The following CDC123 variants were observed in gnomAD, a reference collection of about 807,000 sequenced individuals.
The protein encoded by CDC123 is cell division cycle 123.
CDC123 carries 37 observed loss-of-function variants against 54.4 expected under a neutral mutation model. That is an observed-to-expected ratio of 0.68 (90% CI 0.52 to 0.89). The LOEUF is 0.89. Ranked by LOEUF, CDC123 falls within the 40% of genes least tolerant of loss-of-function variation. The pLI, the probability that CDC123 is intolerant of heterozygous loss-of-function variation, is 0.00. For missense variants in CDC123, 361 were observed against 412.1 expected, an observed-to-expected ratio of 0.88 and a Z score of 1.07; for synonymous variants, 144 against 136.8, an observed-to-expected ratio of 1.05 and a Z score of -0.37.
In CDC123 at chr10:12,249,539, A is replaced by G. The variant is rs565741246; in HGVS notation, c.847-42A>G. 4.7e-5 allele frequency: 73 copies of G among 1,555,820 alleles called. 1 individual carries two copies. The South Asian group carries it at 9.5e-4, about 20-fold the overall frequency. On this transcript the variant is annotated intron_variant, in intron 11 of 12. Coordinates refer to ENST00000281141, the MANE Select transcript of CDC123 (RefSeq NM_006023.3). ...TTTAGTTCACAGAATAGGCCTAAAA[A>G]TAAATGATTGATATTCTTTCTCCTT...
At chr10:12,216,406 T>C (rs1835665297) in intron 5 of CDC123, among the ~76,000 whole-genome samples, 1 of 152,240 alleles carries the variant, frequency 6.6e-6, no homozygotes, top group Non-Finnish European at 1.5e-5. Context: ...ATCTCATGCC[T>C]TTTTTATTCT....
intron 6 of CDC123, among the ~76,000 whole-genome samples, chr10:12,225,037 C>T (rs1416114786): frequency 1.3e-5 from 2 of 152,124 alleles, no homozygotes; most frequent in Non-Finnish European, 2.9e-5. Flanking sequence ...ACAGGCATAT[C>T]CTGGCGCTTT....
At chr10:12,214,238 T>G (rs1588673140) in intron 4 of CDC123, among the ~76,000 whole-genome samples, 1 of 152,204 alleles carries the variant, frequency 6.6e-6, no homozygotes, top group East Asian at 1.9e-4. Context: ...TTGAATTCTT[T>G]CCCGTTGTAA....
intron 10 of CDC123, chr10:12,245,160 C>G (rs529674337): frequency 3.3e-5 from 5 of 152,454 alleles, no homozygotes; most frequent in Admixed American, 1.3e-4. Context: ...CCGGCTCCCC[C>G]TGAACAGAGC....
intron 6 of CDC123, among the ~76,000 whole-genome samples, chr10:12,223,839 G>A (rs1453242504): frequency 6.6e-6 from 1 of 151,938 alleles, no homozygotes; most frequent in Non-Finnish European, 1.5e-5. Context: ...TGTCATTGAC[G>A]TACACTATGT....
At position 12,233,313 on chromosome 10, in the gene CDC123, ACACT is replaced by A. The variant is rs1414360159; in HGVS notation, c.490-1733_490-1730del. ...CACACACACACACACACACACACACACACTCTCTGTCTCTTTATAGATACTTACA... is the reference window on the plus strand; with the variant it reads ...CACACACACACACACACACACACACACTCTGTCTCTTTATAGATACTTACA... On this transcript the variant is annotated intron_variant, in intron 7 of 12. Coordinates refer to ENST00000281141, the MANE Select transcript of CDC123 (RefSeq NM_006023.3). Among the ~76,000 whole-genome samples the A allele has an allele frequency of 1.3e-4, 18 of 141,962 alleles. No individual in the cohort carries two copies. In the East Asian group the frequency reaches 1.6e-3, roughly 12 times the overall value. 93.1% of individuals were successfully genotyped at this position (141,962 alleles called of 152,430 possible).
intron 7 of CDC123, among the ~76,000 whole-genome samples, chr10:12,234,527 TTTA>T (rs1302903191): frequency 1.1e-4 from 17 of 152,174 alleles, no homozygotes; most frequent in Non-Finnish European, 2.4e-4. Flanking sequence ...CTGGAATTAC[TTTA>T]TTATTTGATA....
chr10:12,229,455 T>C (rs1453357392), intron 6 of CDC123, among the ~76,000 whole-genome samples: 4 of 152,198 alleles, frequency 2.6e-5, no homozygotes, highest in Non-Finnish European at 5.9e-5. Flanking sequence ...TCAGAGCTGA[T>C]CTTCTCTAGT....
chr10:12,238,688 C>T (rs750831508), intron 10 of CDC123, among the ~76,000 whole-genome samples: 9 of 151,834 alleles, frequency 5.9e-5, no homozygotes, highest in Non-Finnish European at 1.2e-4. Flanking sequence ...CTAGCCTGGG[C>T]AACATAGTGA....
chr10:12,205,430 A>T (rs1234516470), intron 2 of CDC123, among the ~76,000 whole-genome samples: 1 of 152,232 alleles, frequency 6.6e-6, no homozygotes, highest in Non-Finnish European at 1.5e-5. Context: ...TCTCATATAT[A>T]TGCAAATACT....
At chr10:12,221,169 A>G (rs886573180) in intron 6 of CDC123, among the ~76,000 whole-genome samples, 5 of 152,020 alleles carry the variant, frequency 3.3e-5, no homozygotes, top group Non-Finnish European at 7.4e-5. Flanking sequence ...CAGAATTGCA[A>G]GTTAACAGAA....
chr10:12,228,300 G>A (rs12571022), intron 6 of CDC123, among the ~76,000 whole-genome samples: 11 of 151,950 alleles, frequency 7.2e-5, no homozygotes, highest in Non-Finnish European at 1.5e-4. Flanking sequence ...TTAATCGAAA[G>A]CTAGTTTTCT....
Position 12,249,591 on chromosome 10 carries a change from C to G in CDC123, c.857C>G (p.Ala286Gly). ...EVDAQEQDSP[A>G]FRCTNSEVTV... ...TTCTTCTTTGTACAGGATTCCCCAG[C>G]TTTCCGTTGCACAAACAGTGAAGTG... Residue 286 changes from alanine (A) to glycine (G), a missense_variant, in exon 12 of 13, where the codon GCT becomes GGT. By Grantham distance (60) the Ala-to-Gly change is moderately conservative. Coordinates refer to ENST00000281141, the MANE Select transcript of CDC123 (RefSeq NM_006023.3). 1 of 1,612,684 alleles carries G rather than the reference C, an allele frequency of 6.2e-7. No individual in the cohort carries two copies. The highest frequency in any genetic ancestry group is 1.1e-5 in the South Asian group (1 of 90,674).
chr10:12,220,292 G>A (rs1442486218), intron 6 of CDC123, among the ~76,000 whole-genome samples: 3 of 152,116 alleles, frequency 2.0e-5, no homozygotes, highest in South Asian at 2.1e-4. Context: ...CTTAAGCTAC[G>A]TCTTGCTTTT....
At chr10:12,237,289 A>G in intron 9 of CDC123, 23 bp downstream of exon 9, 2 of 1,519,470 alleles carry the variant, frequency 1.3e-6, no homozygotes, top group Non-Finnish European at 1.8e-6. Flanking sequence ...TTATTGATCC[A>G]GTAAAATGAA....
At chr10:12,201,173 AACTT>A (rs1408999108) in intron 2 of CDC123, among the ~76,000 whole-genome samples, 1 of 152,222 alleles carries the variant, frequency 6.6e-6, no homozygotes, top group Non-Finnish European at 1.5e-5. Context: ...GACAGTATAG[AACTT>A]ACTTTGTAGG....
chr10:12,202,055 A>G (rs1835447162), intron 2 of CDC123, among the ~76,000 whole-genome samples: 1 of 152,190 alleles, frequency 6.6e-6, no homozygotes, highest in African/African-American at 2.4e-5. Flanking sequence ...ATCTGTTGAG[A>G]ATTTTGAAAA....
At chr10:12,228,919 TG>T (rs1325167663) in intron 6 of CDC123, among the ~76,000 whole-genome samples, 9 of 152,132 alleles carry the variant, frequency 5.9e-5, no homozygotes, top group Admixed American at 5.9e-4. Flanking sequence ...TTTGCCATGT[TG>T]CTCAGACTGG....
intron 2 of CDC123, among the ~76,000 whole-genome samples, chr10:12,200,898 G>A (rs747875559): frequency 5.9e-5 from 9 of 151,550 alleles, no homozygotes; most frequent in South Asian, 2.1e-4. Flanking sequence ...ATGCCATTGC[G>A]CTCCAGCCTG....
Sources: gnomAD v4.1 joint callset for allele counts (sites outside exome capture counted in the v4.1 genomes callset) on GRCh38, gnomAD v4.1.1 for gene constraint, MANE v1.5 for transcripts, NCBI Gene and HGNC (gene_info 2026-07-23, HGNC 2026-07-21) for gene names.